RPGRIP1L: variants seen among roughly 807,000 people sequenced by gnomAD.
The protein encoded by RPGRIP1L is RPGRIP1 like.
A neutral mutation model predicts 160.4 loss-of-function variants in RPGRIP1L; 131 were observed. That is an observed-to-expected ratio of 0.82 (90% CI 0.71 to 0.94). The LOEUF (loss-of-function observed/expected upper bound fraction) is 0.94, where lower values mean the gene tolerates loss of function less well. Ranked by LOEUF, RPGRIP1L falls within the 40% of genes least tolerant of loss-of-function variation. RPGRIP1L has a pLI of 0.00. For synonymous variants in RPGRIP1L, 510 were observed against 515.8 expected, an observed-to-expected ratio of 0.99 and a Z score of 0.15; for missense variants, 1,522 against 1,535.8, an observed-to-expected ratio of 0.99 and a Z score of 0.15.
At chr16:53,681,408 A>G (rs1188068643) in intron 6 of RPGRIP1L, among the ~76,000 whole-genome samples, 3 of 152,088 alleles carry the variant, frequency 2.0e-5, no homozygotes, top group African/African-American at 7.2e-5. Context: ...GTTCATGTAC[A>G]TGTGTTCACT....
At chr16:53,648,908 A>C (rs905758818) in intron 16 of RPGRIP1L, 56 bp downstream of exon 16, 1 of 1,487,172 alleles carries the variant, frequency 6.7e-7, no homozygotes, top group African/African-American at 1.4e-5. Flanking sequence ...CGACACATAA[A>C]TAAATATTAT....
chr16:53,664,336 A>C (rs1255454536), intron 10 of RPGRIP1L, among the ~76,000 whole-genome samples: 1 of 152,198 alleles, frequency 6.6e-6, no homozygotes, highest in Non-Finnish European at 1.5e-5. Context: ...ACATCTCATC[A>C]GAGATTTTCC....
At position 53,652,923 on chromosome 16, in the gene RPGRIP1L, A is replaced by G. The variant is rs761581572; in HGVS notation, c.1764T>C (p.Asp588=). ...TTTCATCAAATTCATCAACAGAGTC[A>G]TCTGGCATGATTTCTGGTTTAAATT... ...QYKFKPEIMP[D]DSVDEFDETI... is the part of the protein sequence containing the mutation. Residue 588 remains aspartate, a synonymous_variant, in exon 15 of 27, where the codon GAT becomes GAC. Coordinates refer to ENST00000647211, the MANE Select transcript of RPGRIP1L (RefSeq NM_015272.5). 1 of 1,613,596 alleles carries G rather than the reference A, an allele frequency of 6.2e-7. No individual in the cohort carries two copies. The highest frequency in any genetic ancestry group is 1.1e-5 in the South Asian group (1 of 90,792).
chr16:53,684,698 A>G (rs1433180021), intron 6 of RPGRIP1L, among the ~76,000 whole-genome samples: 1 of 152,114 alleles, frequency 6.6e-6, no homozygotes. Context: ...CAATGTAACA[A>G]ACCTGCACGT....
At chr16:53,618,492 T>C (rs1198097243) in intron 24 of RPGRIP1L, among the ~76,000 whole-genome samples, 2 of 152,234 alleles carry the variant, frequency 1.3e-5, no homozygotes, top group African/African-American at 2.4e-5. Context: ...AGGACCATCT[T>C]AGAAATATTT....
intron 4 of RPGRIP1L, among the ~76,000 whole-genome samples, 195 bp from the exon 5 acceptor site, chr16:53,688,160 C>G (rs549209185): frequency 6.6e-6 from 1 of 152,014 alleles, no homozygotes; most frequent in Non-Finnish European, 1.5e-5. Flanking sequence ...AAATAAAACA[C>G]AGCAGCAAGT....
chr16:53,658,471 T>C lies in RPGRIP1L; in HGVS notation c.1351-7A>G, dbSNP rs559918716. 1.7e-5 allele frequency: 28 copies of C among 1,600,046 alleles called. No homozygotes were observed. The highest frequency in any genetic ancestry group is 4.0e-5 in the African/African-American group (3 of 74,772). Reference sequence around the variant, plus strand: ...CAGCATTAATATCATTCTCCTGCAATAGATTAAGTAAAAGCTCACAATGAG... The same window carrying C: ...CAGCATTAATATCATTCTCCTGCAACAGATTAAGTAAAAGCTCACAATGAG... On this transcript the variant is annotated splice_polypyrimidine_tract_variant and splice_region_variant and intron_variant, in intron 11 of 26. Coordinates refer to ENST00000647211, the MANE Select transcript of RPGRIP1L (RefSeq NM_015272.5).
In RPGRIP1L at chr16:53,649,111, T is replaced by C. The variant is rs1410611040; in HGVS notation, c.2157A>G (p.Thr719=). 1 of 1,613,920 alleles carries C rather than the reference T, an allele frequency of 6.2e-7. No homozygotes were observed. Among genetic ancestry groups the C allele is most frequent in the Non-Finnish European group, 8.5e-7 (1 of 1,179,830 alleles). ...TGCCAAAATTTGGGATGTCTCCTTT[T>C]GTTCCTACAAATCAGTACATAACCC... ...RIFCTASLIG[T]KGDIPNFGTV... The change falls in exon 16 of 27, where the codon ACA becomes ACG. Residue 719 remains threonine (T), a synonymous_variant. Coordinates refer to ENST00000647211, the MANE Select transcript of RPGRIP1L (RefSeq NM_015272.5).
At chr16:53,651,104 A>AACAG (rs1262020520) in intron 15 of RPGRIP1L, among the ~76,000 whole-genome samples, 3 of 152,056 alleles carry the variant, frequency 2.0e-5, no homozygotes, top group Non-Finnish European at 4.4e-5. Flanking sequence ...AACTTGTCCA[A>AACAG]ACAGAATTCT....
chr16:53,611,929 A>G (rs1160656370), intron 24 of RPGRIP1L, among the ~76,000 whole-genome samples: 2 of 152,220 alleles, frequency 1.3e-5, no homozygotes, highest in Admixed American at 6.5e-5. Context: ...TTCCTGGCCA[A>G]AAGCATGCAA....
chr16:53,663,846 T>C (rs1029321697), intron 10 of RPGRIP1L, among the ~76,000 whole-genome samples: 3 of 152,174 alleles, frequency 2.0e-5, no homozygotes, highest in Admixed American at 6.6e-5. Context: ...AAGGTCACAC[T>C]GAAATTTAAA....
chr16:53,633,993 C>G (rs764978190), intron 22 of RPGRIP1L, among the ~76,000 whole-genome samples: 1 of 152,150 alleles, frequency 6.6e-6, no homozygotes, highest in Non-Finnish European at 1.5e-5. Context: ...GTATCACAGA[C>G]TGGGTAATTT....
At position 53,703,834 on chromosome 16, in the gene RPGRIP1L, G is replaced by A. The variant is rs1286467741; in HGVS notation, c.-39C>T. The A allele has an allele frequency of 2.2e-6, 1 of 453,554 alleles. No homozygotes were observed. The highest frequency in any genetic ancestry group is 3.4e-5 in the Admixed American group (1 of 29,496). 28.1% of individuals were successfully genotyped at this position (453,554 alleles called of 1,614,324 possible). A position where few individuals can be genotyped will look rare whatever the true frequency, so the allele number is the denominator to read the frequency against. ...ACTGGCCCTGCAGCTAGCTACCGTTGCTATAGCGCCGACAGCGTGGCGGGC... is the reference window on the plus strand; with the variant it reads ...ACTGGCCCTGCAGCTAGCTACCGTTACTATAGCGCCGACAGCGTGGCGGGC... On this transcript the variant is annotated 5_prime_UTR_variant, in exon 1 of 27. Transcript: ENST00000647211.
chr16:53,667,431 A>C (rs994559580), intron 9 of RPGRIP1L, among the ~76,000 whole-genome samples: 1 of 152,182 alleles, frequency 6.6e-6, no homozygotes, highest in African/African-American at 2.4e-5. Context: ...ATATACTCTA[A>C]ATCATCCATA....
intron 26 of RPGRIP1L, among the ~76,000 whole-genome samples, chr16:53,603,674 ATGTG>A (rs3035223): frequency 0.01 from 1,543 of 148,046 alleles, 12 homozygotes; most frequent in African/African-American, 0.027. Context: ...TTGAACTTTA[ATGTG>A]TGTGTGTGTG....
At chr16:53,619,377 CAG>C (rs1964573892) in intron 23 of RPGRIP1L, among the ~76,000 whole-genome samples, 169 bp from the exon 24 acceptor site, 1 of 152,198 alleles carries the variant, frequency 6.6e-6, no homozygotes, top group African/African-American at 2.4e-5. Flanking sequence ...TTATTCATGA[CAG>C]AGACACAGAA....
chr16:53,703,035 G>A (rs1170657315), intron 1 of RPGRIP1L, among the ~76,000 whole-genome samples: 2 of 152,158 alleles, frequency 1.3e-5, no homozygotes, highest in Non-Finnish European at 2.9e-5. Flanking sequence ...TTGCGAGGCC[G>A]AGACGGGCGG....
chr16:53,679,135 T>C (rs192108157), intron 6 of RPGRIP1L, among the ~76,000 whole-genome samples: 1 of 152,320 alleles, frequency 6.6e-6, no homozygotes, highest in East Asian at 1.9e-4. Context: ...TATTTGCCTC[T>C]GAATCATTAC....
chr16:53,633,658 G>T (rs1164023847), intron 22 of RPGRIP1L, among the ~76,000 whole-genome samples: 2 of 152,130 alleles, frequency 1.3e-5, no homozygotes, highest in Non-Finnish European at 2.9e-5. Flanking sequence ...AATTAAAGGG[G>T]CATGATTTCT....
Sources: allele counts gnomAD v4.1 joint callset (sites outside exome capture counted in the v4.1 genomes callset), GRCh38; gene constraint gnomAD v4.1.1; transcripts MANE v1.5; gene names NCBI Gene and HGNC (gene_info 2026-07-23, HGNC 2026-07-21).